The following TTPA variants were observed in gnomAD, a reference collection of about 807,000 sequenced individuals.
TTPA encodes the protein alpha-tocopherol transfer protein.
A neutral mutation model predicts 25.9 loss-of-function variants in TTPA; 23 were observed. The ratio of observed to expected loss-of-function variants is 0.89; its 90% CI spans 0.64 to 1.26. The LOEUF (loss-of-function observed/expected upper bound fraction) is 1.26. TTPA is among the 50% of genes most tolerant of loss of function. TTPA has a pLI of 0.00. For missense variants in TTPA, 337 were observed against 353.1 expected (o/e 0.95, Z 0.37); for synonymous variants, 148 against 137.3 (o/e 1.08, Z -0.54).
intron 4 of TTPA, among the ~76,000 whole-genome samples, chr8:63,063,015 A>T (rs1437526064): frequency 6.6e-6 from 1 of 152,190 alleles, no homozygotes; most frequent in Non-Finnish European, 1.5e-5. Flanking sequence ...CCACTGCATA[A>T]CCTCTAAAGA....
In TTPA at chr8:63,077,572, G is replaced by A. The variant is rs183999223; in HGVS notation, c.205-4484C>T. On this transcript the variant is annotated intron_variant, in intron 1 of 4. Coordinates refer to ENST00000260116, the MANE Select transcript of TTPA (RefSeq NM_000370.3). Reference sequence around the variant, plus strand: ...TTGCTCACTGCTAGCGTGGCAGTCTGAGATCTAACTTCAAGGCGGCAGCCT... The same window carrying A: ...TTGCTCACTGCTAGCGTGGCAGTCTAAGATCTAACTTCAAGGCGGCAGCCT... Among the ~76,000 whole-genome samples, 316 of 152,306 alleles carry A rather than the reference G, an allele frequency of 2.1e-3. 1 individual carries two copies. The highest frequency in any genetic ancestry group is 3.4e-3 in the Middle Eastern group (1 of 294).
In TTPA at chr8:63,065,949, A is replaced by G; in HGVS notation, c.507T>C (p.Phe169=). Residue 169 remains phenylalanine (F), a synonymous_variant, in exon 3 of 5, where the codon TTT becomes TTC. Transcript: ENST00000260116. ...TCTTGGCTACGGATGGAGTGATTTGAAAAGCATGAGAAAACTGCCAACCTT... is the reference window on the plus strand; with the variant it reads ...TCTTGGCTACGGATGGAGTGATTTGGAAAGCATGAGAAAACTGCCAACCTT... ...DLEGWQFSHA[F]QITPSVAKKI... 1 of 1,614,144 alleles carries G rather than the reference A, an allele frequency of 6.2e-7. No individual in the cohort carries two copies. The highest frequency in any genetic ancestry group is 1.3e-5 in the African/African-American group (1 of 75,062).
chr8:63,059,033 T>TTTTTTTTTTTTTGTTTTG (rs1805249980), downstream of TTPA, among the ~76,000 whole-genome samples: 1 of 124,922 alleles, frequency 8.0e-6, no homozygotes, highest in African/African-American at 3.2e-5. Context: ...TTTTTTTTTT[T>TTTTTTTTTTTTTGTTTTG]TTTTTTTTTT....
intron 1 of TTPA, among the ~76,000 whole-genome samples, chr8:63,084,011 A>G (rs891612232): frequency 4.0e-5 from 6 of 151,672 alleles, no homozygotes; most frequent in Non-Finnish European, 8.8e-5. Flanking sequence ...CAGCCTCCCA[A>G]GTAGCTGGGA....
intron 1 of TTPA, among the ~76,000 whole-genome samples, chr8:63,078,478 T>C (rs1805608022): frequency 1.3e-5 from 2 of 152,246 alleles, no homozygotes; most frequent in Middle Eastern, 6.8e-3. Flanking sequence ...ATAAACAGTG[T>C]AGAGAAGACC....
At chr8:63,066,929 T>C (rs4739046) in intron 2 of TTPA, among the ~76,000 whole-genome samples, 12,090 of 151,868 alleles carry the variant, frequency 0.08, 926 homozygotes, top group East Asian at 0.42. Flanking sequence ...AGAAGCCAGG[T>C]GCAGGTGCAG....
intron 4 of TTPA, 56 bp from the exon 5 acceptor site, chr8:63,061,481 A>T: frequency 6.6e-7 from 1 of 1,522,852 alleles, no homozygotes; most frequent in South Asian, 1.1e-5. Flanking sequence ...TTCCAGTGGA[A>T]AATCAACCTC....
chr8:63,065,318 G>T (rs1805372905), intron 3 of TTPA, among the ~76,000 whole-genome samples: 1 of 152,144 alleles, frequency 6.6e-6, no homozygotes, highest in African/African-American at 2.4e-5. Flanking sequence ...TTTATTAATT[G>T]TAAAGTGGGA....
intron 4 of TTPA, among the ~76,000 whole-genome samples, chr8:63,062,688 C>T (rs1805327254): frequency 1.3e-5 from 2 of 152,194 alleles, no homozygotes; most frequent in African/African-American, 4.8e-5. Context: ...CGTCAACTAA[C>T]TTTCACTGAC....
intron 1 of TTPA, among the ~76,000 whole-genome samples, chr8:63,080,310 C>A (rs950309814): frequency 6.6e-6 from 1 of 152,094 alleles, no homozygotes; most frequent in Admixed American, 6.5e-5. Flanking sequence ...AGATAAGAAA[C>A]AACTAAGATC....
intron 1 of TTPA, among the ~76,000 whole-genome samples, chr8:63,080,625 G>A (rs979212851): frequency 2.0e-5 from 3 of 151,820 alleles, no homozygotes; most frequent in Non-Finnish European, 2.9e-5. Context: ...GGAGGCTGAG[G>A]TGGGAGAATG....
At chr8:63,070,876 G>T (rs932493182) in intron 2 of TTPA, among the ~76,000 whole-genome samples, 16 of 152,130 alleles carry the variant, frequency 1.1e-4, no homozygotes, top group Non-Finnish European at 2.1e-4. Context: ...GAGTAGAGTT[G>T]CCAGGTAAAA....
intron 2 of TTPA, 65 bp from the exon 3 acceptor site, chr8:63,066,162 A>AGACTAAT: frequency 7.0e-7 from 1 of 1,426,252 alleles, no homozygotes; most frequent in Non-Finnish European, 9.7e-7. Flanking sequence ...TTCCAAAGGG[A>AGACTAAT]GACTAATTCA....
At chr8:63,067,964 TG>T (rs1376524604) in intron 2 of TTPA, among the ~76,000 whole-genome samples, 21 of 152,230 alleles carry the variant, frequency 1.4e-4, no homozygotes, top group Admixed American at 1.2e-3. Flanking sequence ...TTTATGGCTG[TG>T]TAGTACTCCA....
At chr8:63,083,732 C>T (rs1354998725) in intron 1 of TTPA, among the ~76,000 whole-genome samples, 1 of 151,426 alleles carries the variant, frequency 6.6e-6, no homozygotes, top group Non-Finnish European at 1.5e-5. Flanking sequence ...ATTAATCACA[C>T]TTAAATAAAT....
At chr8:63,078,900 T>C (rs949302127) in intron 1 of TTPA, among the ~76,000 whole-genome samples, 8 of 151,906 alleles carry the variant, frequency 5.3e-5, no homozygotes, top group Admixed American at 3.3e-4. Flanking sequence ...TTCACCAAGG[T>C]TGAAATGAAG....
At position 63,064,154 on chromosome 8, in the gene TTPA, G is replaced by A. The variant is rs1156854467; in HGVS notation, c.663+52C>T. The stretch of plus-strand genomic sequence containing the variant: ...GATAAAGCAATCCTTAAATTAAAAA[G>A]GGTTGGAATGTTTGGTGTAGAGGAA... On this transcript the variant is annotated intron_variant, in intron 4 of 4. Coordinates refer to ENST00000260116, the MANE Select transcript of TTPA (RefSeq NM_000370.3). 3.9e-6 allele frequency: 5 copies of A among 1,297,970 alleles called. No homozygotes were observed. In the Admixed American group the frequency reaches 5.4e-5, roughly 14 times the overall value. 80.4% of individuals were successfully genotyped at this position (1,297,970 alleles called of 1,614,324 possible).
At position 63,072,943 on chromosome 8, in the gene TTPA, T is replaced by C; in HGVS notation, c.350A>G (p.Tyr117Cys). The C allele has an allele frequency of 6.2e-7, 1 of 1,614,068 alleles. No homozygotes were observed. The highest frequency in any genetic ancestry group is 8.5e-7 in the Non-Finnish European group (1 of 1,180,018). The change falls in exon 2 of 5, where the codon TAC becomes TGC. Residue 117 changes from tyrosine (Y) to cysteine (C), a missense_variant. By Grantham distance (194) the Tyr-to-Cys change is radical (BLOSUM62 -2). Transcript: ENST00000260116. ...AGTTGTGTATGACTTACCGATTCTG[T>C]AAATAAGAACTTTGCTGCCAGTGGG... is the stretch of plus-strand genomic sequence containing the variant. ...RDPTGSKVLIYRIAHWDPKVF... is the reference protein window; with the variant it reads ...RDPTGSKVLICRIAHWDPKVF...
chr8:63,060,435 C>G lies in TTPA; in HGVS notation c.*817G>C, dbSNP rs975457415. 1 of 152,030 alleles carries G rather than the reference C, an allele frequency of 6.6e-6. No individual in the cohort carries two copies. The highest frequency in any genetic ancestry group is 1.5e-5 in the Non-Finnish European group (1 of 68,014). 9.4% of individuals were successfully genotyped at this position (152,030 alleles called of 1,614,324 possible). On this transcript the variant is annotated 3_prime_UTR_variant, in exon 5 of 5. Transcript: ENST00000260116. ...ACTCCTCAGCTGAAAGTTTCTATCA[C>G]GGCCAGGCGCGATGGCTCACGACTG...
Sources: gnomAD v4.1 joint callset for allele counts (sites outside exome capture counted in the v4.1 genomes callset) on GRCh38, gnomAD v4.1.1 for gene constraint, MANE v1.5 for transcripts, NCBI Gene and HGNC (gene_info 2026-07-23, HGNC 2026-07-21) for gene names.